POT1: variants seen among roughly 807,000 people sequenced by gnomAD.
POT1 encodes the protein protection of telomeres protein 1.
POT1 carries 47 observed loss-of-function variants against 78.5 expected under a neutral mutation model. The ratio of observed to expected loss-of-function variants is 0.60; its 90% CI spans 0.47 to 0.76. POT1 has a LOEUF of 0.76. Among genes scored for constraint, POT1 ranks in the 30% least tolerant of loss-of-function variants. The pLI is 0.00. For missense variants in POT1, 646 were observed against 749.9 expected, an observed-to-expected ratio of 0.86 and a Z score of 1.62; for synonymous variants, 259 against 260.7, an observed-to-expected ratio of 0.99 and a Z score of 0.06.
chr7:124,846,808 T>G (rs540457269), intron 12 of POT1, 134 bp downstream of exon 12: 2 of 583,310 alleles, frequency 3.4e-6, no homozygotes, highest in African/African-American at 3.8e-5. Flanking sequence ...AGAAGAAAGT[T>G]AAATATGGAC....
At chr7:124,853,914 C>T (rs967806884) in intron 9 of POT1, among the ~76,000 whole-genome samples, 2 of 151,812 alleles carry the variant, frequency 1.3e-5, no homozygotes, top group African/African-American at 2.4e-5. Flanking sequence ...AGCTATATAA[C>T]CTAAATCACA....
intron 15 of POT1, among the ~76,000 whole-genome samples, chr7:124,830,553 ATAAAAAT>A (rs1320967150): frequency 2.0e-5 from 3 of 152,164 alleles, no homozygotes. Context: ...TAAAGTTAGT[ATAAAAAT>A]TAAAAATTAA....
chr7:124,897,406 C>A (rs1358570051), intron 4 of POT1, among the ~76,000 whole-genome samples, 194 bp from the exon 5 acceptor site: 3 of 150,724 alleles, frequency 2.0e-5, no homozygotes, highest in African/African-American at 7.3e-5. Flanking sequence ...AAAAAAAAGG[C>A]AAAGATATAA....
rs2116398743 is a variant in POT1 at position 124,822,580 on chromosome 7, C to A, written c.*1382G>T. On this transcript the variant is annotated 3_prime_UTR_variant, in exon 19 of 19. Transcript: ENST00000357628. ...AAGGCAGAAAAAATGTTTATTTCAC[C>A]TTTGTATCCTGAGCACATCATCAAC... is the stretch of plus-strand genomic sequence containing the variant. The A allele has an allele frequency of 2.2e-6, 1 of 455,016 alleles. No homozygotes were observed. The highest frequency in any genetic ancestry group is 7.0e-5 in the East Asian group (1 of 14,384). The allele number at this position is 455,016 out of a possible 1,614,324, so 28.2% of individuals were successfully genotyped here.
chr7:124,886,178 A>C (rs1796239559), intron 6 of POT1, among the ~76,000 whole-genome samples: 1 of 152,232 alleles, frequency 6.6e-6, no homozygotes, highest in African/African-American at 2.4e-5. Context: ...GAACATTTAT[A>C]AGATGAATTT....
chr7:124,829,389 G>T, intron 15 of POT1, 47 bp from the exon 16 acceptor site: 1 of 1,272,348 alleles, frequency 7.9e-7, no homozygotes, highest in Non-Finnish European at 1.1e-6. Flanking sequence ...AAATAATTTA[G>T]CTTGTTTGTT....
rs551829794 is a variant in POT1, at chr7:124,867,239, C to G, written c.256-3599G>C. ...TTTCATGTCTGTAAAACTGAAATAGCCTTCTAAAGAATATCTTTGCCTTCA... is the reference window on the plus strand; with the variant it reads ...TTTCATGTCTGTAAAACTGAAATAGGCTTCTAAAGAATATCTTTGCCTTCA... On this transcript the variant is annotated intron_variant, in intron 7 of 18. Coordinates refer to ENST00000357628, the MANE Select transcript of POT1 (RefSeq NM_015450.3). Among the ~76,000 whole-genome samples the G allele has an allele frequency of 7.2e-5, 11 of 152,276 alleles. No individual in the cohort carries two copies. In the East Asian group the frequency reaches 1.4e-3, roughly 19 times the overall value.
intron 4 of POT1, among the ~76,000 whole-genome samples, chr7:124,897,845 T>C (rs1380169954): frequency 6.6e-6 from 1 of 151,612 alleles, no homozygotes; most frequent in Non-Finnish European, 1.5e-5. Context: ...GTGTGGAAGG[T>C]AGGGTGTTAA....
At chr7:124,886,724 T>C (rs1481294014) in intron 6 of POT1, among the ~76,000 whole-genome samples, 5 of 152,116 alleles carry the variant, frequency 3.3e-5, no homozygotes, top group Non-Finnish European at 5.9e-5. Flanking sequence ...CTGATAGAGA[T>C]ATAAGACACA....
intron 12 of POT1, among the ~76,000 whole-genome samples, chr7:124,844,759 C>T (rs1262694530): frequency 7.0e-6 from 1 of 143,742 alleles, no homozygotes; most frequent in African/African-American, 2.6e-5. Context: ...AAAAAAAGGC[C>T]ATTGGCAGAC....
At chr7:124,861,055 C>T (rs1377510906) in intron 8 of POT1, among the ~76,000 whole-genome samples, 4 of 152,078 alleles carry the variant, frequency 2.6e-5, no homozygotes, top group Non-Finnish European at 5.9e-5. Context: ...TGAATAGTGC[C>T]ACAATAAACA....
chr7:124,917,165 G>A (rs1797033647), intron 2 of POT1, among the ~76,000 whole-genome samples: 1 of 152,120 alleles, frequency 6.6e-6, no homozygotes, highest in Admixed American at 6.6e-5. Context: ...AGGACCTACT[G>A]CTACCAAGAC....
rs544128807 is a variant in POT1 at position 124,847,038 on chromosome 7, A to G, written c.950-40T>C. ...AGGCAAAAAAATTAAGTCCATTACA[A>G]CTTCATTGTAGAACTGAAAACAATG... On this transcript the variant is annotated intron_variant, in intron 11 of 18. Coordinates refer to ENST00000357628, the MANE Select transcript of POT1 (RefSeq NM_015450.3). The G allele has an allele frequency of 7.9e-6, 11 of 1,384,402 alleles. 1 individual carries two copies. The South Asian group carries it at 1.3e-4, about 16-fold the overall frequency. The allele number at this position is 1,384,402 out of a possible 1,614,324, so 85.8% of individuals were successfully genotyped here.
chr7:124,875,761 C>G (rs951129582), intron 6 of POT1, among the ~76,000 whole-genome samples: 1 of 152,038 alleles, frequency 6.6e-6, no homozygotes, highest in African/African-American at 2.4e-5. Context: ...TTTCTGAAAA[C>G]AGAGAGGAAA....
At chr7:124,919,107 T>C (rs908434466) in intron 2 of POT1, among the ~76,000 whole-genome samples, 17 of 152,308 alleles carry the variant, frequency 1.1e-4, no homozygotes, top group African/African-American at 3.1e-4. Context: ...CTATACAATA[T>C]AGCTTATTGC....
intron 3 of POT1, among the ~76,000 whole-genome samples, chr7:124,906,323 G>A (rs932702499): frequency 1.3e-5 from 2 of 152,090 alleles, no homozygotes; most frequent in African/African-American, 4.8e-5. Flanking sequence ...AAAATGATAA[G>A]TTCATGTCCT....
intron 3 of POT1, among the ~76,000 whole-genome samples, chr7:124,898,759 C>T (rs1796551920): frequency 6.6e-6 from 1 of 152,032 alleles, no homozygotes; most frequent in Non-Finnish European, 1.5e-5. Context: ...AGTGCAAAAA[C>T]TCCACATATT....
At chr7:124,862,279 AAC>A (rs1196499391) in intron 8 of POT1, among the ~76,000 whole-genome samples, 3 of 152,196 alleles carry the variant, frequency 2.0e-5, no homozygotes, top group African/African-American at 7.2e-5. Context: ...ATTTTCTAAA[AAC>A]ACAGTCAAAA....
Position 124,852,983 on chromosome 7 carries a change from A to C in POT1, c.858T>G (p.Asp286Glu). The C allele has an allele frequency of 6.2e-7, 1 of 1,611,138 alleles. No individual in the cohort carries two copies. The highest frequency in any genetic ancestry group is 8.5e-7 in the Non-Finnish European group (1 of 1,178,884). ...RVLPESNSDV[D>E]QLKKDLESAN... ...TACTAAAAGCTTACTTTTTCAGTTG[A>C]TCCACATCAGAGTTACTTTCTGGCA... The change falls in exon 10 of 19, where the codon GAT becomes GAG. Residue 286 changes from aspartate (D) to glutamate (E), a missense_variant. Asp to Glu is a conservative substitution (Grantham distance 45). Coordinates refer to ENST00000357628, the MANE Select transcript of POT1 (RefSeq NM_015450.3).
Sources: allele counts gnomAD v4.1 joint callset (sites outside exome capture counted in the v4.1 genomes callset), GRCh38; gene constraint gnomAD v4.1.1; transcripts MANE v1.5; gene names NCBI Gene and HGNC (gene_info 2026-07-23, HGNC 2026-07-21).